Variants in EPHA6 observed in about 807,000 individuals in gnomAD.
The protein encoded by EPHA6 is ephrin type-A receptor 6.
EPHA6 carries 50 observed loss-of-function variants against 112.0 expected under a neutral mutation model. The ratio of observed to expected loss-of-function variants is 0.45; its 90% CI spans 0.36 to 0.56. The LOEUF is 0.56. Among genes scored for constraint, EPHA6 ranks in the 20% least tolerant of loss-of-function variants. EPHA6 has a pLI of 0.00. For missense variants in EPHA6, 1,280 were observed against 1,417.4 expected (o/e 0.90, Z 1.56); for synonymous variants, 529 against 490.7 (o/e 1.08, Z -1.03).
intron 14 of EPHA6, among the ~76,000 whole-genome samples, chr3:97,711,089 G>T (rs986373039): frequency 2.0e-5 from 3 of 152,168 alleles, no homozygotes; most frequent in Non-Finnish European, 4.4e-5. Flanking sequence ...CTGGTGGGAG[G>T]TGGTTGAATC....
intron 5 of EPHA6, among the ~76,000 whole-genome samples, chr3:97,328,889 A>G (rs1250862491): frequency 6.6e-6 from 1 of 152,080 alleles, no homozygotes. Context: ...ATATGTATGC[A>G]TGTGCCATAT....
intron 5 of EPHA6, among the ~76,000 whole-genome samples, chr3:97,384,379 C>T (rs1036966209): frequency 6.6e-6 from 1 of 152,196 alleles, no homozygotes; most frequent in Non-Finnish European, 1.5e-5. Flanking sequence ...AGCCTGGCTT[C>T]AAATCCCCTA....
chr3:97,350,442 G>A (rs2083752019), intron 5 of EPHA6, among the ~76,000 whole-genome samples: 1 of 151,996 alleles, frequency 6.6e-6, no homozygotes, highest in African/African-American at 2.4e-5. Flanking sequence ...TCCATTTTTA[G>A]GAAATTTCAC....
chr3:97,449,931 AT>A (rs1360192368), intron 7 of EPHA6, among the ~76,000 whole-genome samples: 1 of 152,150 alleles, frequency 6.6e-6, no homozygotes, highest in East Asian at 1.9e-4. Flanking sequence ...GATGAACAGT[AT>A]TCACATGTAA....
rs2046035342 is a variant in EPHA6 at position 97,061,937 on chromosome 3, T to C, written c.1114+73944T>C. On this transcript the variant is annotated intron_variant, in intron 3 of 17. Transcript: ENST00000389672. ...GATTTGTAAAGAAAGAAAACAAAAATTATATTACAGAAATATTTATAGTAT... is the reference window on the plus strand; with the variant it reads ...GATTTGTAAAGAAAGAAAACAAAAACTATATTACAGAAATATTTATAGTAT... Among the ~76,000 whole-genome samples the C allele has an allele frequency of 2.0e-5, 3 of 152,278 alleles. No individual in the cohort carries two copies. The South Asian group carries it at 6.2e-4, about 32-fold the overall frequency.
chr3:97,361,590 C>T (rs137932021), intron 5 of EPHA6, among the ~76,000 whole-genome samples: 1 of 152,114 alleles, frequency 6.6e-6, no homozygotes, highest in South Asian at 2.1e-4. Context: ...GCTGGTGGGA[C>T]TCTGCAGAGT....
intron 3 of EPHA6, among the ~76,000 whole-genome samples, chr3:97,124,236 T>C (rs964759649): frequency 2.6e-5 from 4 of 152,020 alleles, no homozygotes; most frequent in Non-Finnish European, 1.5e-5. Context: ...TAATGCCAAC[T>C]ATGTTGACTC....
At chr3:97,236,001 T>C (rs2078667602) in intron 4 of EPHA6, among the ~76,000 whole-genome samples, 1 of 152,094 alleles carries the variant, frequency 6.6e-6, no homozygotes, top group Non-Finnish European at 1.5e-5. Flanking sequence ...CTGAATGTTT[T>C]ATCTAATGTT....
intron 8 of EPHA6, among the ~76,000 whole-genome samples, chr3:97,476,016 C>T (rs947955222): frequency 7.9e-5 from 12 of 152,036 alleles, no homozygotes; most frequent in Admixed American, 5.9e-4. Flanking sequence ...CCATCAGAAC[C>T]TTAGCTTTCT....
chr3:97,000,885 C>A (rs764070298), intron 3 of EPHA6, among the ~76,000 whole-genome samples: 5 of 150,962 alleles, frequency 3.3e-5, no homozygotes, highest in Non-Finnish European at 5.9e-5. Flanking sequence ...TCTTATCTGG[C>A]TACAAAAGGC....
chr3:96,869,171 A>T (rs1488608530), intron 2 of EPHA6, among the ~76,000 whole-genome samples: 1 of 152,056 alleles, frequency 6.6e-6, no homozygotes, highest in Non-Finnish European at 1.5e-5. Context: ...ATGCTGCTCT[A>T]TGCCAAATAC....
At chr3:97,729,712 T>TC (rs1189954080) in intron 15 of EPHA6, among the ~76,000 whole-genome samples, 1 of 151,060 alleles carries the variant, frequency 6.6e-6, no homozygotes, top group Non-Finnish European at 1.5e-5. Flanking sequence ...TTCTTTTTCT[T>TC]TTTTTTTGCT....
At chr3:97,452,979 C>A (rs1031760300) in intron 7 of EPHA6, among the ~76,000 whole-genome samples, 5 of 151,630 alleles carry the variant, frequency 3.3e-5, no homozygotes, top group African/African-American at 1.2e-4. Context: ...ATATTTGATA[C>A]ATTTTAACAA....
At position 97,244,172 on chromosome 3, in the gene EPHA6, T is replaced by A. The variant is rs746371126; in HGVS notation, c.1491T>A (p.Leu497=). Residue 497 remains leucine, a synonymous_variant, in exon 5 of 18, where the codon CTT becomes CTA. Coordinates refer to ENST00000389672, the MANE Select transcript of EPHA6 (RefSeq NM_001080448.3). ...TGLINNSVIV[L]DFVSHVNYTF... ...TGATCAACAATTCCGTGATAGTACT[T>A]GACTTTGTGTCTCACGTGAATTACA... The A allele has an allele frequency of 1.2e-6, 2 of 1,613,152 alleles. No individual in the cohort carries two copies. The highest frequency in any genetic ancestry group is 2.2e-5 in the South Asian group (2 of 91,058).
At chr3:96,955,300 A>G (rs888514780) in intron 2 of EPHA6, among the ~76,000 whole-genome samples, 1 of 152,134 alleles carries the variant, frequency 6.6e-6, no homozygotes, top group Admixed American at 6.6e-5. Flanking sequence ...TTGTCTATGG[A>G]CATATTATAT....
chr3:96,935,635 C>T (rs55741558), intron 2 of EPHA6, among the ~76,000 whole-genome samples: 2,397 of 148,100 alleles, frequency 0.016, 65 homozygotes, highest in African/African-American at 0.049. Flanking sequence ...GGTTTCCATC[C>T]TAAATATTAT....
At chr3:97,069,180 A>T (rs2046277089) in intron 3 of EPHA6, among the ~76,000 whole-genome samples, 1 of 152,162 alleles carries the variant, frequency 6.6e-6, no homozygotes, top group Non-Finnish European at 1.5e-5. Flanking sequence ...CGATTAACAC[A>T]TATTTTGTAG....
chr3:97,137,863 A>G (rs942038426), intron 3 of EPHA6, among the ~76,000 whole-genome samples: 12 of 152,124 alleles, frequency 7.9e-5, no homozygotes, highest in Non-Finnish European at 1.6e-4. Context: ...AAATAAATAA[A>G]TGTAATTTTT....
At chr3:97,731,460 CAA>C (rs1295944736) in intron 15 of EPHA6, among the ~76,000 whole-genome samples, 2 of 152,024 alleles carry the variant, frequency 1.3e-5, no homozygotes, top group East Asian at 3.9e-4. Context: ...ATAAGTCACA[CAA>C]AGAGATCTCA....
Sources: allele counts gnomAD v4.1 joint callset (sites outside exome capture counted in the v4.1 genomes callset), GRCh38; gene constraint gnomAD v4.1.1; transcripts MANE v1.5; gene names NCBI Gene and HGNC (gene_info 2026-07-23, HGNC 2026-07-21).